FBH1: variants seen among roughly 807,000 people sequenced by gnomAD.
FBH1 encodes the protein F-box DNA helicase 1.
Under a neutral mutation model 115.5 loss-of-function variants are expected in FBH1, and 43 were observed. That is an observed-to-expected ratio of 0.37 (90% confidence interval 0.29 to 0.48). The LOEUF is 0.48. FBH1 is among the 20% of genes least tolerant of loss of function. The pLI is 0.99. For synonymous variants in FBH1, 524 were observed against 507.8 expected (o/e 1.03, Z -0.43); for missense variants, 1,001 against 1,337.3 (o/e 0.75, Z 3.92).
rs767773588 is a variant in FBH1, at chr10:5,895,225, T to C, written c.1+4879T>C. On this transcript the variant is annotated intron_variant, in intron 1 of 20. Coordinates refer to ENST00000362091, the MANE Select transcript of FBH1 (RefSeq NM_178150.3). This position sits in a 1 kb window ranked among gnomAD's most constrained non-coding sequence, Gnocchi z 5.0. ...TGGGAAACTGACCAGGGCGGTTAGC[T>C]GACTCCAAAATTGTCCAGATTAGCA... 3 of 1,590,012 alleles carry C rather than the reference T, an allele frequency of 1.9e-6. No homozygotes were observed. Among genetic ancestry groups the C allele is most frequent in the Non-Finnish European group, 2.6e-6 (3 of 1,164,564 alleles).
In FBH1 at chr10:5,906,965, CT is replaced by C. The variant is rs35421692; in HGVS notation, c.753+348del. Among the ~76,000 whole-genome samples, 698 of 142,540 alleles carry C rather than the reference CT, an allele frequency of 4.9e-3. No individual in the cohort carries two copies. Among genetic ancestry groups the C allele is most frequent in the African/African-American group, 8.0e-3 (313 of 39,116 alleles). The allele number at this position is 142,540 out of a possible 152,430, so 93.5% of individuals were successfully genotyped here. A position where few individuals can be genotyped will look rare whatever the true frequency, so the allele number is the denominator to read the frequency against. ...GGGTTCCTCATATCTCCCTTGACTTCTTTTTTTTTTTTTTTGAGACAGAGTT... is the reference window on the plus strand; with the variant it reads ...GGGTTCCTCATATCTCCCTTGACTTCTTTTTTTTTTTTTTGAGACAGAGTT... On this transcript the variant is annotated intron_variant, in intron 3 of 20. Coordinates refer to ENST00000362091, the MANE Select transcript of FBH1 (RefSeq NM_178150.3). This position sits in a 1 kb window ranked among gnomAD's most constrained non-coding sequence, Gnocchi z 7.3.
intron 1 of FBH1, chr10:5,894,215 A>G: frequency 1.0e-6 from 1 of 985,240 alleles, no homozygotes; most frequent in African/African-American, 1.7e-5. Flanking sequence ...TTTCTTTTAG[A>G]GCTAATGGGG....
intron 2 of FBH1, among the ~76,000 whole-genome samples, chr10:5,905,576 A>G (rs1463438557): frequency 6.6e-6 from 1 of 152,196 alleles, no homozygotes; most frequent in African/African-American, 2.4e-5. Flanking sequence ...AGCACTGTCA[A>G]ATGAGAAGAG....
rs1222081196 is a variant in FBH1 at position 5,932,385 on chromosome 10, ATCAC to A, written c.2830-4068_2830-4065del. 6.6e-6 allele frequency among the ~76,000 whole-genome samples: 1 copy of A among 152,184 alleles called. No homozygotes were observed. Among genetic ancestry groups the A allele is most frequent in the Non-Finnish European group, 1.5e-5 (1 of 68,024 alleles). Reference sequence around the variant, plus strand: ...GCTTTGTCACTTAGAAGCCATGGGAATCACTCTTTTATTTATTTTTTACTCTTTT... The same window carrying A: ...GCTTTGTCACTTAGAAGCCATGGGAATCTTTTATTTATTTTTTACTCTTTT... On this transcript the variant is annotated intron_variant, in intron 19 of 20. Transcript: ENST00000362091. This position sits in a 1 kb window ranked among gnomAD's most constrained non-coding sequence, Gnocchi z 5.9.
In FBH1 at chr10:5,923,892, C is replaced by T. The variant is rs1318506713; in HGVS notation, c.2398+196C>T. Reference sequence around the variant, plus strand: ...GTACTGACAGATTTTTCCAGATCCTCCTCACAGGAGCCTCAGTCTCTTTCC... The same window carrying T: ...GTACTGACAGATTTTTCCAGATCCTTCTCACAGGAGCCTCAGTCTCTTTCC... On this transcript the variant is annotated intron_variant, in intron 16 of 20. Coordinates refer to ENST00000362091, the MANE Select transcript of FBH1 (RefSeq NM_178150.3). The surrounding 1 kb of genome is among the most constrained non-coding windows in gnomAD (Gnocchi z 5.7). 1.7e-6 allele frequency: 1 copy of T among 594,078 alleles called. No homozygotes were observed. Among genetic ancestry groups the T allele is most frequent in the East Asian group, 2.8e-5 (1 of 35,392 alleles). 36.8% of individuals were successfully genotyped at this position (594,078 alleles called of 1,614,324 possible). A position where few individuals can be genotyped will look rare whatever the true frequency, so the allele number is the denominator to read the frequency against.
intron 1 of FBH1, chr10:5,894,961 C>T (rs777454822): frequency 2.9e-5 from 43 of 1,481,924 alleles, no homozygotes; most frequent in East Asian, 1.2e-4. Flanking sequence ...TTTATTCCTG[C>T]GAAGTGCTTC....
intron 2 of FBH1, chr10:5,905,262 A>G (rs568613503): frequency 6.6e-6 from 1 of 152,372 alleles, no homozygotes; most frequent in Non-Finnish European, 1.5e-5. Context: ...CACGCCTGTA[A>G]TGCCAGCACT....
At chr10:5,896,933 A>C (rs1431486834) in intron 1 of FBH1, among the ~76,000 whole-genome samples, 1 of 152,220 alleles carries the variant, frequency 6.6e-6, no homozygotes, top group African/African-American at 2.4e-5. Context: ...GCATTTGAGC[A>C]TTCTTATTTT....
rs1181781269 is a variant in FBH1 at position 5,895,550 on chromosome 10, G to T, written c.1+5204G>T. Among the ~76,000 whole-genome samples the T allele has an allele frequency of 6.6e-6, 1 of 152,154 alleles. No homozygotes were observed. Among genetic ancestry groups the T allele is most frequent in the African/African-American group, 2.4e-5 (1 of 41,420 alleles). Reference sequence around the variant, plus strand: ...CTGAATGGTTAGGGTAAGCTTTGCTGCAGTGACAAATAGATCCAGACATGT... The same window carrying T: ...CTGAATGGTTAGGGTAAGCTTTGCTTCAGTGACAAATAGATCCAGACATGT... On this transcript the variant is annotated intron_variant, in intron 1 of 20. Transcript: ENST00000362091. The surrounding 1 kb of genome is among the most constrained non-coding windows in gnomAD (Gnocchi z 5.0).
chr10:5,937,385 A>G lies in FBH1; in HGVS notation c.*105A>G, dbSNP rs531444043. 115 of 1,279,428 alleles carry G rather than the reference A, an allele frequency of 9.0e-5. 3 individuals carry two copies. In the South Asian group the frequency reaches 1.1e-3, roughly 12 times the overall value. 79.3% of individuals were successfully genotyped at this position (1,279,428 alleles called of 1,614,324 possible). A position where few individuals can be genotyped will look rare whatever the true frequency, so the allele number is the denominator to read the frequency against. ...GCTCCCTGAGACTCTGGGTTCACCC[A>G]CAGCACTTTCTGAGGAAGAGGACAC... On this transcript the variant is annotated 3_prime_UTR_variant, in exon 21 of 21. Transcript: ENST00000362091.
At chr10:5,908,227 C>G (rs1373795544) in intron 3 of FBH1, among the ~76,000 whole-genome samples, 2 of 152,128 alleles carry the variant, frequency 1.3e-5, no homozygotes, top group East Asian at 3.9e-4. Context: ...GTTATTATAT[C>G]TTCTTGGTGA....
chr10:5,914,115 GTCTA>G lies in FBH1; in HGVS notation c.1305-60_1305-57del. On this transcript the variant is annotated intron_variant, in intron 7 of 20. Coordinates refer to ENST00000362091, the MANE Select transcript of FBH1 (RefSeq NM_178150.3). The surrounding 1 kb of genome is among the most constrained non-coding windows in gnomAD (Gnocchi z 5.2). Reference sequence around the variant, plus strand: ...AGTTTGTATGTTTGGTTTTTGGACTGTCTATCCCCTGGACTTTTCACGTCTTTCT... The same window carrying G: ...AGTTTGTATGTTTGGTTTTTGGACTGTCCCCTGGACTTTTCACGTCTTTCT... 1.3e-6 allele frequency: 2 copies of G among 1,518,912 alleles called. No homozygotes were observed. Among genetic ancestry groups the G allele is most frequent in the Non-Finnish European group, 1.8e-6 (2 of 1,094,732 alleles). The allele number at this position is 1,518,912 out of a possible 1,614,324, so 94.1% of individuals were successfully genotyped here.
At position 5,906,731 on chromosome 10, in the gene FBH1, A is replaced by G; in HGVS notation, c.753+99A>G. 1 of 1,057,006 alleles carries G rather than the reference A, an allele frequency of 9.5e-7. No individual in the cohort carries two copies. The highest frequency in any genetic ancestry group is 1.4e-6 in the Non-Finnish European group (1 of 736,090). 65.5% of individuals were successfully genotyped at this position (1,057,006 alleles called of 1,614,324 possible). ...GAGGATCTTTTCAGAAATGGTTTCC[A>G]TTTGCCTTCAGAAGACATTCAGACT... is the stretch of plus-strand genomic sequence containing the variant. On this transcript the variant is annotated intron_variant, in intron 3 of 20. Transcript: ENST00000362091. This position sits in a 1 kb window ranked among gnomAD's most constrained non-coding sequence, Gnocchi z 7.3.
chr10:5,914,093 T>C lies in FBH1; in HGVS notation c.1305-85T>C. Reference sequence around the variant, plus strand: ...TTTGGTCAGCTTTTGTTTATCCAGTTTGTATGTTTGGTTTTTGGACTGTCT... The same window carrying C: ...TTTGGTCAGCTTTTGTTTATCCAGTCTGTATGTTTGGTTTTTGGACTGTCT... On this transcript the variant is annotated intron_variant, in intron 7 of 20. Transcript: ENST00000362091. This position sits in a 1 kb window ranked among gnomAD's most constrained non-coding sequence, Gnocchi z 5.2. 7.7e-7 allele frequency: 1 copy of C among 1,304,474 alleles called. No individual in the cohort carries two copies. The highest frequency in any genetic ancestry group is 1.1e-6 in the Non-Finnish European group (1 of 915,986). 80.8% of individuals were successfully genotyped at this position (1,304,474 alleles called of 1,614,324 possible).
Position 5,909,165 on chromosome 10 carries a change from A to G in FBH1, c.891A>G (p.Thr297=), listed in dbSNP as rs1448187707. 6.2e-7 allele frequency: 1 copy of G among 1,613,640 alleles called. No homozygotes were observed. The highest frequency in any genetic ancestry group is 8.5e-7 in the Non-Finnish European group (1 of 1,180,000). The change falls in exon 5 of 21, where the codon ACA becomes ACG. Residue 297 remains threonine (T), a synonymous_variant. Transcript: ENST00000362091. The surrounding 1 kb of genome is among the most constrained non-coding windows in gnomAD (Gnocchi z 4.4). ...TCCTGTGAATGTCTTACAGATACAC[A>G]GCCACCACTAAGTGCTCTCCGAGTG... ...DLCVLNLIRY[T]ATTKCSPSVD... is the part of the protein sequence containing the mutation.
chr10:5,911,138 C>G lies in FBH1; in HGVS notation c.1211+10C>G. On this transcript the variant is annotated intron_variant, in intron 6 of 20. Coordinates refer to ENST00000362091, the MANE Select transcript of FBH1 (RefSeq NM_178150.3). The surrounding 1 kb of genome is among the most constrained non-coding windows in gnomAD (Gnocchi z 5.4). The stretch of plus-strand genomic sequence containing the variant: ...TTAACATCAGCAATAGGTAATGCCC[C>G]GGGAGGAGGGGAGGGGATGCTGTGA... 6.2e-7 allele frequency: 1 copy of G among 1,603,662 alleles called. No individual in the cohort carries two copies. The highest frequency in any genetic ancestry group is 1.1e-5 in the South Asian group (1 of 90,400).
At position 5,924,014 on chromosome 10, in the gene FBH1, C is replaced by G. The variant is rs777030223; in HGVS notation, c.2399-297C>G. On this transcript the variant is annotated intron_variant, in intron 16 of 20. Transcript: ENST00000362091. The surrounding 1 kb of genome is among the most constrained non-coding windows in gnomAD (Gnocchi z 6.2). The stretch of plus-strand genomic sequence containing the variant: ...CCACGTGGGCCCCAAGTGATAGCGT[C>G]GAGCATTTCTATAGCGCTTTTCTTT... The G allele has an allele frequency of 1.3e-4, 74 of 560,350 alleles. No homozygotes were observed. The highest frequency in any genetic ancestry group is 2.2e-4 in the Non-Finnish European group (69 of 315,238). The allele number at this position is 560,350 out of a possible 1,614,324, so 34.7% of individuals were successfully genotyped here. A position where few individuals can be genotyped will look rare whatever the true frequency, so the allele number is the denominator to read the frequency against.
Position 5,923,561 on chromosome 10 carries a change from CA to C in FBH1, c.2323-57del. On this transcript the variant is annotated intron_variant, in intron 15 of 20. Transcript: ENST00000362091. The surrounding 1 kb of genome is among the most constrained non-coding windows in gnomAD (Gnocchi z 5.7). ...TTATTTTGTTTTGTTAAAGCAACAA[CA>C]AACAAAACAAAACAAAAAACAACAA... is the stretch of plus-strand genomic sequence containing the variant. The C allele has an allele frequency of 1.4e-6, 2 of 1,425,972 alleles. No individual in the cohort carries two copies. The highest frequency in any genetic ancestry group is 1.2e-5 in the South Asian group (1 of 83,112). The allele number at this position is 1,425,972 out of a possible 1,614,324, so 88.3% of individuals were successfully genotyped here. A position where few individuals can be genotyped will look rare whatever the true frequency, so the allele number is the denominator to read the frequency against.
chr10:5,918,621 G>C lies in FBH1; in HGVS notation c.2100+143G>C. 8.9e-7 allele frequency: 1 copy of C among 1,118,962 alleles called. No homozygotes were observed. The highest frequency in any genetic ancestry group is 1.2e-6 in the Non-Finnish European group (1 of 830,796). The allele number at this position is 1,118,962 out of a possible 1,614,324, so 69.3% of individuals were successfully genotyped here. A position where few individuals can be genotyped will look rare whatever the true frequency, so the allele number is the denominator to read the frequency against. ...CATGGTTCTCAAAGTGTGGTTCTCA[G>C]GGGTCTGCCAAGTCACACTGTTTTC... On this transcript the variant is annotated intron_variant, in intron 13 of 20. Transcript: ENST00000362091. The surrounding 1 kb of genome is among the most constrained non-coding windows in gnomAD (Gnocchi z 4.0).
Sources: allele counts gnomAD v4.1 joint callset (sites outside exome capture counted in the v4.1 genomes callset), GRCh38; gene constraint gnomAD v4.1.1; non-coding constraint Gnocchi (gnomAD v3.1); transcripts MANE v1.5; gene names NCBI Gene and HGNC (gene_info 2026-07-23, HGNC 2026-07-21).